The following AK9 variants were observed in gnomAD, a reference collection of about 807,000 sequenced individuals.
AK9 encodes adenylate kinase domain containing 1.
Under a neutral mutation model 239.6 loss-of-function variants are expected in AK9, and 191 were observed. That is an observed-to-expected ratio of 0.80 (90% CI 0.71 to 0.90). The LOEUF (loss-of-function observed/expected upper bound fraction) is 0.90, where lower values mean the gene tolerates loss of function less well. AK9 is among the 40% of genes least tolerant of loss of function. The pLI is 0.00. For synonymous variants in AK9, 689 were observed against 721.0 expected, an observed-to-expected ratio of 0.96 and a Z score of 0.71; for missense variants, 1,995 against 2,214.7, an observed-to-expected ratio of 0.90 and a Z score of 1.99.
intron 29 of AK9, among the ~76,000 whole-genome samples, chr6:109,517,360 A>G (rs1472202688): frequency 6.6e-6 from 1 of 152,206 alleles, no homozygotes; most frequent in Admixed American, 6.5e-5. Flanking sequence ...CTCTGGCCCC[A>G]AAGTGGTCCC....
At chr6:109,652,261 A>T (rs1562556765) in intron 8 of AK9, among the ~76,000 whole-genome samples, 2 of 152,384 alleles carry the variant, frequency 1.3e-5, no homozygotes, top group East Asian at 1.9e-4. Flanking sequence ...TACGCAAATG[A>T]ATAAATGTAA....
chr6:109,506,661 C>A lies in AK9; in HGVS notation c.4621G>T (p.Glu1541Ter). 1 of 1,529,438 alleles carries A rather than the reference C, an allele frequency of 6.5e-7. No individual in the cohort carries two copies. Among genetic ancestry groups the A allele is most frequent in the South Asian group, 1.2e-5 (1 of 81,300 alleles). The allele number at this position is 1,529,438 out of a possible 1,614,324, so 94.7% of individuals were successfully genotyped here. Reference sequence around the variant, plus strand: ...CTTCATCATGTACATTACCTTTGTTCATTTTCTTTTTCTAGGAGCAATCTT... The same window carrying A: ...CTTCATCATGTACATTACCTTTGTTAATTTTCTTTTTCTAGGAGCAATCTT... The part of the protein sequence containing the change: ...FKRLLLEKEN[E>*]QRLPYPLHNS... The change falls in exon 34 of 41, where the codon GAA (glutamate) becomes TAA (stop). Residue 1541 changes from glutamate (E) to a stop codon, truncating the protein, a stop_gained. Transcript: ENST00000424296. LOFTEE classifies it high-confidence loss of function.
At position 109,515,846 on chromosome 6, in the gene AK9, G is replaced by A; in HGVS notation, c.4065+11C>T. The A allele has an allele frequency of 1.3e-6, 2 of 1,536,738 alleles. No individual in the cohort carries two copies. Among genetic ancestry groups the A allele is most frequent in the East Asian group, 2.4e-5 (1 of 40,828 alleles). ...AGGAACATGGCTTTCAGGTGCGTTT[G>A]CTGAAATTACCTTTACAGGGTCCCA... On this transcript the variant is annotated intron_variant, in intron 31 of 40. Coordinates refer to ENST00000424296, the MANE Select transcript of AK9 (RefSeq NM_001145128.3).
chr6:109,595,409 T>C (rs1284283260), intron 17 of AK9, among the ~76,000 whole-genome samples: 3 of 152,172 alleles, frequency 2.0e-5, no homozygotes, highest in Non-Finnish European at 4.4e-5. Flanking sequence ...GGTGGGAGTG[T>C]AAATTAGTTC....
chr6:109,510,380 G>A (rs1305294108), intron 32 of AK9, among the ~76,000 whole-genome samples: 3 of 151,982 alleles, frequency 2.0e-5, no homozygotes, highest in African/African-American at 4.8e-5. Context: ...AGGACAGGAC[G>A]ACCAACTGCA....
chr6:109,555,702 G>A lies in AK9; in HGVS notation c.2752-5400C>T, dbSNP rs61585869. ...GAATCTGGCTGCTCTTGTATTGGGT[G>A]CATATATGTTCAGAATAGTTAGCTC... On this transcript the variant is annotated intron_variant, in intron 24 of 40. Transcript: ENST00000424296. Among the ~76,000 whole-genome samples, 1,209 of 152,286 alleles carry A rather than the reference G, an allele frequency of 7.9e-3. 26 individuals are homozygous for A. Among genetic ancestry groups the A allele is most frequent in the African/African-American group, 0.026 (1,071 of 41,554 alleles).
At chr6:109,526,170 T>TA (rs2128127324) in intron 29 of AK9, among the ~76,000 whole-genome samples, 1 of 152,104 alleles carries the variant, frequency 6.6e-6, no homozygotes, top group East Asian at 1.9e-4. Context: ...GTCAAAACAC[T>TA]ACCTATTGAG....
chr6:109,509,393 A>C lies in AK9; in HGVS notation c.4280-13T>G, dbSNP rs1778448690. The C allele has an allele frequency of 1.3e-6, 2 of 1,541,594 alleles. No individual in the cohort carries two copies. Among genetic ancestry groups the C allele is most frequent in the Non-Finnish European group, 1.8e-6 (2 of 1,139,378 alleles). On this transcript the variant is annotated splice_polypyrimidine_tract_variant and intron_variant, in intron 32 of 40. Coordinates refer to ENST00000424296, the MANE Select transcript of AK9 (RefSeq NM_001145128.3). The stretch of plus-strand genomic sequence containing the variant: ...ATTTTTTTGGCAACTGAAAAACATA[A>C]AACTTTTAAATTAAATTAAATGATT...
At position 109,515,958 on chromosome 6, in the gene AK9, T is replaced by A; in HGVS notation, c.3964A>T (p.Ile1322Phe). ...LKPLVENRASIFEKCHPIPAP... is the reference protein window; with the variant it reads ...LKPLVENRASFFEKCHPIPAP... The stretch of plus-strand genomic sequence containing the variant: ...GGTATTGGATGACATTTCTCAAAAA[T>A]GCTTGCACGATTTTCCACCAGTGGT... The change falls in exon 31 of 41, where the codon ATT (isoleucine) becomes TTT (phenylalanine). Residue 1322 changes from isoleucine (I) to phenylalanine (F), a missense_variant. By Grantham distance (21) the Ile-to-Phe change is conservative. Around this residue, in one of 5 missense-constraint regions of AK9, gnomAD observed 1,290 missense variants for 1,392.7 expected, o/e 0.93. Transcript: ENST00000424296. 6.4e-7 allele frequency: 1 copy of A among 1,551,698 alleles called. No individual in the cohort carries two copies. The highest frequency in any genetic ancestry group is 8.7e-7 in the Non-Finnish European group (1 of 1,146,876).
intron 8 of AK9, among the ~76,000 whole-genome samples, chr6:109,647,155 C>T (rs1798176674): frequency 6.6e-6 from 1 of 152,146 alleles, no homozygotes; most frequent in Non-Finnish European, 1.5e-5. Flanking sequence ...TAAAGAGCAT[C>T]AAGGCTAGGA....
At chr6:109,551,473 G>A (rs1449428258) in intron 24 of AK9, among the ~76,000 whole-genome samples, 5 of 149,760 alleles carry the variant, frequency 3.3e-5, no homozygotes, top group South Asian at 2.1e-4. Context: ...GAGCCGAGAT[G>A]GCACACTGCA....
chr6:109,497,264 A>C (rs1366419900), intron 38 of AK9, among the ~76,000 whole-genome samples: 2 of 150,560 alleles, frequency 1.3e-5, no homozygotes, highest in Non-Finnish European at 2.9e-5. Context: ...TTCTGTTGTT[A>C]CCAGGCACTC....
At chr6:109,543,259 G>T (rs1783114283) in intron 26 of AK9, among the ~76,000 whole-genome samples, 1 of 151,956 alleles carries the variant, frequency 6.6e-6, no homozygotes, top group Non-Finnish European at 1.5e-5. Context: ...AATAGCTAAG[G>T]TATGATAAAC....
chr6:109,654,810 G>A (rs1012405198), intron 8 of AK9, among the ~76,000 whole-genome samples: 2 of 152,218 alleles, frequency 1.3e-5, no homozygotes, highest in African/African-American at 4.8e-5. Context: ...TTTGCAGAAT[G>A]TATACCAGAA....
chr6:109,576,156 T>A (rs1473246653), intron 20 of AK9, among the ~76,000 whole-genome samples: 2 of 152,108 alleles, frequency 1.3e-5, no homozygotes, highest in Admixed American at 1.3e-4. Context: ...CTATGTGGGA[T>A]CTTTTTGTGT....
chr6:109,684,706 C>G (rs546604405), intron 1 of AK9, among the ~76,000 whole-genome samples: 2 of 138,386 alleles, frequency 1.4e-5, no homozygotes, highest in African/African-American at 3.0e-5. Flanking sequence ...AACCCCGTCT[C>G]TACTAAAAAT....
intron 24 of AK9, among the ~76,000 whole-genome samples, chr6:109,558,339 T>C (rs1271359011): frequency 9.2e-5 from 14 of 152,214 alleles, no homozygotes; most frequent in African/African-American, 1.4e-4. Flanking sequence ...TTCTCTCTTA[T>C]GTTTCTTCCA....
At chr6:109,644,959 T>C (rs1797858972) in intron 8 of AK9, among the ~76,000 whole-genome samples, 2 of 152,356 alleles carry the variant, frequency 1.3e-5, no homozygotes, top group South Asian at 4.1e-4. Context: ...TTTTGGGGCA[T>C]CTATCTGCAT....
intron 18 of AK9, among the ~76,000 whole-genome samples, 155 bp downstream of exon 18, chr6:109,585,761 T>C: frequency 6.6e-6 from 1 of 152,198 alleles, no homozygotes; most frequent in South Asian, 2.1e-4. Flanking sequence ...TCTCAGTATA[T>C]GGAAGCCTCA....
Sources: gnomAD v4.1 joint callset for allele counts (sites outside exome capture counted in the v4.1 genomes callset) on GRCh38, gnomAD v4.1.1 for gene constraint, gnomAD v4.1.1 regional missense constraint, MANE v1.5 for transcripts, NCBI Gene and HGNC (gene_info 2026-07-23, HGNC 2026-07-21) for gene names.